FOXN3: variants seen among roughly 807,000 people sequenced by gnomAD.
FOXN3 encodes the protein forkhead box protein N3.
Under a neutral mutation model 38.4 loss-of-function variants are expected in FOXN3, and 7 were observed. The observed-to-expected ratio is 0.18, with a 90% confidence interval of 0.10 to 0.34. The LOEUF (loss-of-function observed/expected upper bound fraction) is 0.34. Ranked by LOEUF, FOXN3 falls within the 10% of genes least tolerant of loss-of-function variation. The pLI is 1.00. For missense variants in FOXN3, 456 were observed against 613.4 expected (o/e 0.74, Z 2.71); for synonymous variants, 230 against 242.2 (o/e 0.95, Z 0.47).
At chr14:89,574,219 C>T (rs1158160040) in intron 1 of FOXN3, among the ~76,000 whole-genome samples, 1 of 152,160 alleles carries the variant, frequency 6.6e-6, no homozygotes, top group Non-Finnish European at 1.5e-5. Context: ...CCCACCTCTT[C>T]CTGGCTGAAA....
chr14:89,363,021 C>T (rs1207261286), intron 2 of FOXN3, among the ~76,000 whole-genome samples: 2 of 152,078 alleles, frequency 1.3e-5, no homozygotes, highest in African/African-American at 2.4e-5. Flanking sequence ...TCTAGAGGAA[C>T]ACAAACAAGA....
intron 1 of FOXN3, among the ~76,000 whole-genome samples, chr14:89,514,296 A>G (rs1473607104): frequency 6.6e-6 from 1 of 152,166 alleles, no homozygotes. Flanking sequence ...GCAGGTCTCA[A>G]AGGGAACTGG....
At chr14:89,517,082 C>T (rs1433472010) in intron 1 of FOXN3, among the ~76,000 whole-genome samples, 2 of 152,130 alleles carry the variant, frequency 1.3e-5, no homozygotes, top group African/African-American at 4.8e-5. Flanking sequence ...GCCACCACCA[C>T]AGCTTTCCTG....
At chr14:89,459,658 G>A (rs915669806) in intron 1 of FOXN3, among the ~76,000 whole-genome samples, 7 of 152,158 alleles carry the variant, frequency 4.6e-5, no homozygotes, top group African/African-American at 1.7e-4. Flanking sequence ...AGAGGCTGGG[G>A]GCAGATGGAA....
intron 1 of FOXN3, among the ~76,000 whole-genome samples, chr14:89,517,778 A>G (rs920980535): frequency 1.3e-5 from 2 of 152,146 alleles, no homozygotes; most frequent in Admixed American, 1.3e-4. Context: ...CTTTCTTTGA[A>G]CTGTATCCTT....
intron 1 of FOXN3, among the ~76,000 whole-genome samples, chr14:89,563,305 C>T (rs534159773): frequency 1.3e-4 from 20 of 152,320 alleles, no homozygotes; most frequent in Admixed American, 3.3e-4. Flanking sequence ...TAGTACTTCT[C>T]ATAGATAAGT....
chr14:89,426,969 C>T (rs34538706), intron 1 of FOXN3, among the ~76,000 whole-genome samples: 58,584 of 151,590 alleles, frequency 0.39, 14,280 homozygotes, highest in Admixed American at 0.53. Context: ...CGGTGGCTCA[C>T]GCCTGGAATC....
At chr14:89,333,363 A>G (rs1451194226) in intron 3 of FOXN3, 1 of 152,036 alleles carries the variant, frequency 6.6e-6, no homozygotes, top group East Asian at 1.9e-4. Context: ...GGTTGCAGTG[A>G]GCCAAGATCG....
chr14:89,536,647 G>A lies in FOXN3; in HGVS notation c.-15+82381C>T, dbSNP rs534083216. Among the ~76,000 whole-genome samples, 4 of 152,212 alleles carry A rather than the reference G, an allele frequency of 2.6e-5. No homozygotes were observed. The South Asian group carries it at 8.3e-4, about 32-fold the overall frequency. ...AATACAAAAATTATTGTATTGTGGT[G>A]CATGCCTGAAATCCCAGCTATTTGG... On this transcript the variant is annotated intron_variant, in intron 1 of 6. Transcript: ENST00000345097.
intron 4 of FOXN3, among the ~76,000 whole-genome samples, chr14:89,190,860 T>C: frequency 6.6e-6 from 1 of 151,992 alleles, no homozygotes; most frequent in East Asian, 1.9e-4. Flanking sequence ...AAGAAAGCAT[T>C]AAATACACCT....
chr14:89,348,141 G>A (rs1386099661), intron 3 of FOXN3, among the ~76,000 whole-genome samples: 5 of 151,782 alleles, frequency 3.3e-5, no homozygotes, highest in Admixed American at 2.6e-4. Flanking sequence ...AGCAATAACC[G>A]CCCATCTAGT....
intron 3 of FOXN3, among the ~76,000 whole-genome samples, chr14:89,292,249 T>G (rs559618167): frequency 6.6e-6 from 1 of 152,302 alleles, no homozygotes; most frequent in East Asian, 1.9e-4. Flanking sequence ...TTCCCAGGAC[T>G]GATGATTTCT....
intron 1 of FOXN3, among the ~76,000 whole-genome samples, chr14:89,515,010 C>CT (rs2139813731): frequency 6.6e-6 from 1 of 151,966 alleles, no homozygotes; most frequent in East Asian, 1.9e-4. Flanking sequence ...ACCTCCGCAT[C>CT]CGGAGTTCAA....
intron 1 of FOXN3, among the ~76,000 whole-genome samples, chr14:89,587,721 G>A (rs1280545479): frequency 1.3e-5 from 2 of 152,086 alleles, no homozygotes; most frequent in Non-Finnish European, 2.9e-5. Flanking sequence ...ACAAAAATTA[G>A]CCAGGTGTGG....
intron 4 of FOXN3, among the ~76,000 whole-genome samples, chr14:89,255,693 T>C (rs982783989): frequency 6.6e-6 from 1 of 152,196 alleles, no homozygotes; most frequent in African/African-American, 2.4e-5. Context: ...CCCTTGCTCC[T>C]GGCCCAGGGC....
intron 1 of FOXN3, among the ~76,000 whole-genome samples, chr14:89,608,127 C>T (rs1353064034): frequency 4.6e-5 from 7 of 151,472 alleles, no homozygotes; most frequent in Non-Finnish European, 8.8e-5. Context: ...TACAGGCGCC[C>T]GCCACCATGC....
intron 1 of FOXN3, among the ~76,000 whole-genome samples, chr14:89,541,695 C>T (rs1287476777): frequency 6.6e-6 from 1 of 152,046 alleles, no homozygotes; most frequent in Admixed American, 6.6e-5. Context: ...TATGGACTTG[C>T]TCTGAATTCT....
chr14:89,291,042 C>CA (rs1166344217), intron 3 of FOXN3: 1 of 474,858 alleles, frequency 2.1e-6, no homozygotes, highest in Non-Finnish European at 4.2e-6. Flanking sequence ...AAACTCACTC[C>CA]AAATGTTCAC....
intron 1 of FOXN3, among the ~76,000 whole-genome samples, chr14:89,458,030 CAAAAA>C (rs11445763): frequency 1.9e-5 from 1 of 53,520 alleles, no homozygotes; most frequent in Admixed American, 2.2e-4. Flanking sequence ...AACTCCATCT[CAAAAA>C]AAAAAAAAAA....
Sources: gnomAD v4.1 joint callset for allele counts (sites outside exome capture counted in the v4.1 genomes callset) on GRCh38, gnomAD v4.1.1 for gene constraint, MANE v1.5 for transcripts, NCBI Gene and HGNC (gene_info 2026-07-23, HGNC 2026-07-21) for gene names.